The following CELF2 variants were observed in gnomAD, a reference collection of about 807,000 sequenced individuals.
CELF2 encodes the protein CUGBP Elav-like family member 2, also known as CUG triplet repeat RNA-binding protein 2.
Under a neutral mutation model 62.6 loss-of-function variants are expected in CELF2, and 8 were observed. That is an observed-to-expected ratio of 0.13 (90% CI 0.07 to 0.23). CELF2 has a LOEUF of 0.23. Among genes scored for constraint, CELF2 ranks in the 10% least tolerant of loss-of-function variants. CELF2 has a pLI of 1.00. For synonymous variants in CELF2, 258 were observed against 250.0 expected (o/e 1.03, Z -0.30); for missense variants, 333 against 671.0 (o/e 0.50, Z 5.56).
At chr10:10,845,314 C>A (rs2058940356) in intron 1 of CELF2, among the ~76,000 whole-genome samples, 1 of 149,300 alleles carries the variant, frequency 6.7e-6, no homozygotes. Flanking sequence ...TGTCCATTAG[C>A]CTTCAGTTCA....
intron 1 of CELF2, among the ~76,000 whole-genome samples, chr10:11,051,514 G>A (rs1172963828): frequency 6.6e-6 from 1 of 152,158 alleles, no homozygotes; most frequent in Non-Finnish European, 1.5e-5. Flanking sequence ...TCAGCCTGAT[G>A]CCTGCCCGAT....
At chr10:10,638,367 A>G in the CELF2 span, among the ~76,000 whole-genome samples, 3 of 121,312 alleles carry the variant, frequency 2.5e-5, no homozygotes, top group African/African-American at 8.9e-5. Flanking sequence ...TTATCCATCC[A>G]TCCATTCATT....
intron 1 of CELF2, among the ~76,000 whole-genome samples, chr10:10,909,959 G>A (rs180786262): frequency 5.9e-5 from 9 of 152,142 alleles, no homozygotes; most frequent in Non-Finnish European, 1.2e-4. Flanking sequence ...ATGAATAAAT[G>A]CTAATGAATT....
chr10:10,537,975 G>T, the CELF2 span, among the ~76,000 whole-genome samples: 79 of 152,246 alleles, frequency 5.2e-4, no homozygotes, highest in East Asian at 0.015. Context: ...AGTGCGATGA[G>T]CCCTTGTCCC....
At chr10:11,326,939 C>G (rs1188173270) in intron 12 of CELF2, among the ~76,000 whole-genome samples, 1 of 152,178 alleles carries the variant, frequency 6.6e-6, no homozygotes, top group African/African-American at 2.4e-5. Context: ...TCAAACTTAA[C>G]TCTGGCTGGT....
At chr10:10,653,345 C>T in the CELF2 span, among the ~76,000 whole-genome samples, 7 of 149,148 alleles carry the variant, frequency 4.7e-5, no homozygotes, top group East Asian at 1.9e-4. Context: ...AGGAATTGAA[C>T]TCAGCTCTGC....
chr10:11,103,519 T>C (rs2052478561), intron 1 of CELF2, among the ~76,000 whole-genome samples: 1 of 145,004 alleles, frequency 6.9e-6, no homozygotes, highest in Non-Finnish European at 1.5e-5. Context: ...CTGTGAACTC[T>C]GAAACCAGGT....
the CELF2 span, among the ~76,000 whole-genome samples, chr10:10,549,969 G>C: frequency 1.3e-5 from 2 of 152,158 alleles, no homozygotes. Context: ...ATTTGTCATG[G>C]AAGAACTTGA....
upstream of CELF2, among the ~76,000 whole-genome samples, chr10:11,001,065 C>T (rs919930909): frequency 2.2e-4 from 33 of 152,206 alleles, no homozygotes; most frequent in African/African-American, 7.7e-4. Flanking sequence ...TATTTATCAA[C>T]TTCACCGAGC....
chr10:10,630,417 A>T, the CELF2 span, among the ~76,000 whole-genome samples: 6 of 152,112 alleles, frequency 3.9e-5, no homozygotes, highest in Admixed American at 3.9e-4. Flanking sequence ...CCTTACACCC[A>T]CCATCTGGAT....
chr10:10,898,093 A>C (rs1254836899), intron 1 of CELF2, among the ~76,000 whole-genome samples: 1 of 152,150 alleles, frequency 6.6e-6, no homozygotes, highest in Non-Finnish European at 1.5e-5. Flanking sequence ...TTAGGCCAGT[A>C]ACTCCTTTAT....
chr10:10,969,505 C>G (rs1340872297), intron 2 of CELF2, among the ~76,000 whole-genome samples: 1 of 152,164 alleles, frequency 6.6e-6, no homozygotes, highest in Non-Finnish European at 1.5e-5. Flanking sequence ...AACAAATAAA[C>G]TATAAACATC....
intron 1 of CELF2, among the ~76,000 whole-genome samples, chr10:10,854,573 A>C (rs1359214480): frequency 6.6e-6 from 1 of 152,098 alleles, no homozygotes; most frequent in Non-Finnish European, 1.5e-5. Flanking sequence ...GCATTTCCCA[A>C]AACAGGATTA....
intron 1 of CELF2, among the ~76,000 whole-genome samples, chr10:10,826,617 G>A (rs1227736200): frequency 6.6e-6 from 1 of 152,166 alleles, no homozygotes; most frequent in African/African-American, 2.4e-5. Context: ...CTGCATCTCT[G>A]TGCTTTACTA....
intron 2 of CELF2, among the ~76,000 whole-genome samples, chr10:10,994,910 G>C (rs1362477396): frequency 6.6e-6 from 1 of 152,070 alleles, no homozygotes; most frequent in South Asian, 2.1e-4. Context: ...CTCCTCTGCA[G>C]GGCTATCTCA....
chr10:10,760,689 G>A, the CELF2 span, among the ~76,000 whole-genome samples: 4 of 152,288 alleles, frequency 2.6e-5, no homozygotes, highest in African/African-American at 7.2e-5. Flanking sequence ...TGACATGTCC[G>A]CTGAAGCCTA....
chr10:11,119,991 A>G (rs2144074220), intron 1 of CELF2, among the ~76,000 whole-genome samples: 1 of 151,848 alleles, frequency 6.6e-6, no homozygotes, highest in African/African-American at 2.4e-5. Flanking sequence ...GCCACAACCC[A>G]TTTAGTTATT....
chr10:10,945,994 G>A (rs1473054214), intron 2 of CELF2: 3 of 152,710 alleles, frequency 2.0e-5, no homozygotes, highest in Non-Finnish European at 4.4e-5. Context: ...TTGGGCTGTA[G>A]GCAGGGGAGC....
the CELF2 span, among the ~76,000 whole-genome samples, chr10:10,573,724 T>C: frequency 6.6e-6 from 1 of 151,068 alleles, no homozygotes; most frequent in African/African-American, 2.5e-5. Context: ...AAATGAGAAA[T>C]AGAATATTTT....
Sources: allele counts gnomAD v4.1 joint callset (sites outside exome capture counted in the v4.1 genomes callset), GRCh38; gene constraint gnomAD v4.1.1; transcripts MANE v1.5; gene names NCBI Gene and HGNC (gene_info 2026-07-23, HGNC 2026-07-21).